The following HSPA12A variants were observed in gnomAD, a reference collection of about 807,000 sequenced individuals.
The protein encoded by HSPA12A is heat shock 70 kDa protein 12A.
Under a neutral mutation model 69.2 loss-of-function variants are expected in HSPA12A, and 28 were observed. The ratio of observed to expected loss-of-function variants is 0.40; its 90% CI spans 0.30 to 0.55. The LOEUF (loss-of-function observed/expected upper bound fraction) is 0.55, where lower values mean the gene tolerates loss of function less well. Among genes scored for constraint, HSPA12A ranks in the 20% least tolerant of loss-of-function variants. The pLI, the probability that HSPA12A is intolerant of heterozygous loss-of-function variation, is 0.38. For missense variants in HSPA12A, 686 were observed against 900.7 expected (o/e 0.76, Z 3.05); for synonymous variants, 345 against 370.5 (o/e 0.93, Z 0.79).
At chr10:116,737,103 C>T (rs77103204) in intron 1 of HSPA12A, among the ~76,000 whole-genome samples, 7,872 of 152,212 alleles carry the variant, frequency 0.052, 329 homozygotes, top group African/African-American at 0.12. Flanking sequence ...CCATACTTTA[C>T]AGATGAGAAA....
At chr10:116,726,342 C>T (rs188918075) in intron 1 of HSPA12A, among the ~76,000 whole-genome samples, 55 of 152,212 alleles carry the variant, frequency 3.6e-4, no homozygotes, top group Non-Finnish European at 5.9e-4. Flanking sequence ...CCATTCCTTC[C>T]TCTGTCTCTG....
At chr10:116,730,984 T>C (rs1208999900) in intron 1 of HSPA12A, among the ~76,000 whole-genome samples, 1 of 152,212 alleles carries the variant, frequency 6.6e-6, no homozygotes, top group African/African-American at 2.4e-5. Context: ...CAGGAATCAG[T>C]GTGCTCCCAG....
chr10:116,674,713 C>G lies in HSPA12A; in HGVS notation c.*68G>C. 6.8e-7 allele frequency: 1 copy of G among 1,480,382 alleles called. No homozygotes were observed. The highest frequency in any genetic ancestry group is 1.2e-5 in the South Asian group (1 of 80,270). 91.7% of individuals were successfully genotyped at this position (1,480,382 alleles called of 1,614,324 possible). A position where few individuals can be genotyped will look rare whatever the true frequency, so the allele number is the denominator to read the frequency against. On this transcript the variant is annotated 3_prime_UTR_variant, in exon 12 of 12. Coordinates refer to ENST00000369209, the MANE Select transcript of HSPA12A (RefSeq NM_025015.3). Reference sequence around the variant, plus strand: ...GTGAGGGTCAAGGTTAGGGAAAGAACAGTCAAGGTTGAGGTCAGCAGATGC... The same window carrying G: ...GTGAGGGTCAAGGTTAGGGAAAGAAGAGTCAAGGTTGAGGTCAGCAGATGC...
At chr10:116,792,223 C>T (rs184068219) in intron 2 of HSPA12A, among the ~76,000 whole-genome samples, 1 of 125,920 alleles carries the variant, frequency 7.9e-6, no homozygotes. Flanking sequence ...AACCCAGCCC[C>T]AGTTCAGCAT....
upstream of HSPA12A, among the ~76,000 whole-genome samples, chr10:116,743,419 C>T (rs1851577393): frequency 6.6e-6 from 1 of 152,242 alleles, no homozygotes; most frequent in Admixed American, 6.5e-5. Flanking sequence ...CGAGGAGCAC[C>T]GTCACTGGGT....
At chr10:116,784,681 C>A (rs983078044) in intron 2 of HSPA12A, among the ~76,000 whole-genome samples, 1 of 152,230 alleles carries the variant, frequency 6.6e-6, no homozygotes, top group Non-Finnish European at 1.5e-5. Context: ...GTTCCCTCCA[C>A]GTGTTGCCCT....
chr10:116,692,787 A>T (rs1409935579), intron 5 of HSPA12A, among the ~76,000 whole-genome samples: 3 of 152,302 alleles, frequency 2.0e-5, no homozygotes, highest in East Asian at 1.9e-4. Flanking sequence ...ATATCTGTGC[A>T]GTGGGGATTA....
chr10:116,814,049 G>C (rs1845250865), intron 2 of HSPA12A, among the ~76,000 whole-genome samples: 1 of 152,074 alleles, frequency 6.6e-6, no homozygotes, highest in Non-Finnish European at 1.5e-5. Flanking sequence ...AGCTATCATA[G>C]GAATGTTCAA....
intron 2 of HSPA12A, among the ~76,000 whole-genome samples, chr10:116,765,839 A>C (rs1433931525): frequency 6.6e-6 from 1 of 152,214 alleles, no homozygotes; most frequent in African/African-American, 2.4e-5. Context: ...GTAGACAAAC[A>C]CAGACAAACA....
Position 116,806,592 on chromosome 10 carries a change from A to C in HSPA12A, c.91+28343T>G, listed in dbSNP as rs193204907. ...AGTGTTTGCCACAGGCCATGATATG[A>C]ATCATTTTTTGACACAAGGTAAAAT... On this transcript the variant is annotated intron_variant, in intron 2 of 12. Transcript: ENST00000635765. Among the ~76,000 whole-genome samples, 10 of 152,206 alleles carry C rather than the reference A, an allele frequency of 6.6e-5. No individual in the cohort carries two copies. In the East Asian group the frequency reaches 1.9e-3, roughly 29 times the overall value.
chr10:116,750,318 G>A, intron 2 of HSPA12A: 1 of 767,636 alleles, frequency 1.3e-6, no homozygotes, highest in East Asian at 2.5e-5. Flanking sequence ...GGTCAGCCTG[G>A]TGCCTTCACC....
chr10:116,733,713 T>C (rs1330645447), intron 1 of HSPA12A, among the ~76,000 whole-genome samples: 3 of 152,184 alleles, frequency 2.0e-5, no homozygotes, highest in Non-Finnish European at 2.9e-5. Flanking sequence ...AATGACTGAA[T>C]AGGAAGTGAC....
chr10:116,824,761 G>A (rs984037830), intron 2 of HSPA12A, among the ~76,000 whole-genome samples: 4 of 152,180 alleles, frequency 2.6e-5, no homozygotes, highest in African/African-American at 9.6e-5. Context: ...AGCCTCCTGA[G>A]TAGCTGGGAC....
intron 2 of HSPA12A, among the ~76,000 whole-genome samples, chr10:116,833,561 TC>T (rs1845658339): frequency 6.6e-6 from 1 of 152,190 alleles, no homozygotes; most frequent in Non-Finnish European, 1.5e-5. Context: ...AACCAATCAC[TC>T]TTTGTTGCTC....
At chr10:116,744,595 T>C (rs1171515730), upstream of HSPA12A, among the ~76,000 whole-genome samples, 2 of 152,190 alleles carry the variant, frequency 1.3e-5, no homozygotes, top group Non-Finnish European at 2.9e-5. Flanking sequence ...AGAACACTTT[T>C]GATTTGCAGG....
intron 1 of HSPA12A, among the ~76,000 whole-genome samples, chr10:116,711,832 G>GTTT (rs60670342): frequency 3.4e-5 from 5 of 145,800 alleles, no homozygotes; most frequent in South Asian, 2.2e-4. Context: ...CCCAGCTAAT[G>GTTT]TTTTTTTTTT....
chr10:116,689,686 A>C (rs1849680444), intron 6 of HSPA12A, among the ~76,000 whole-genome samples: 1 of 152,140 alleles, frequency 6.6e-6, no homozygotes, highest in African/African-American at 2.4e-5. Context: ...AGAGGCTGAG[A>C]AGTTCCAAGA....
intron 1 of HSPA12A, among the ~76,000 whole-genome samples, chr10:116,714,528 G>A (rs1445486075): frequency 6.6e-6 from 1 of 152,084 alleles, no homozygotes; most frequent in African/African-American, 2.4e-5. Context: ...TGAACTTTCA[G>A]TCTCCCTGTC....
chr10:116,774,618 T>C (rs539807628), intron 2 of HSPA12A, among the ~76,000 whole-genome samples: 1 of 152,316 alleles, frequency 6.6e-6, no homozygotes, highest in African/African-American at 2.4e-5. Context: ...GACTGGCCTT[T>C]TGGAGCAGGA....
Sources: gnomAD v4.1 joint callset for allele counts (sites outside exome capture counted in the v4.1 genomes callset) on GRCh38, gnomAD v4.1.1 for gene constraint, MANE v1.5 for transcripts, NCBI Gene and HGNC (gene_info 2026-07-23, HGNC 2026-07-21) for gene names.